Variants in FAT3 observed in about 807,000 individuals in gnomAD.
FAT3 encodes FAT atypical cadherin 3.
A neutral mutation model predicts 310.2 loss-of-function variants in FAT3; 95 were observed. The observed-to-expected ratio is 0.31, with a 90% CI of 0.26 to 0.36. The LOEUF (loss-of-function observed/expected upper bound fraction) is 0.36, where lower values mean the gene tolerates loss of function less well. FAT3 is among the 10% of genes least tolerant of loss of function. FAT3 has a pLI of 1.00. For synonymous variants in FAT3, 2,314 were observed against 2,192.9 expected (o/e 1.06, Z -1.54); for missense variants, 5,408 against 5,715.6 (o/e 0.95, Z 1.74).
intron 1 of FAT3, among the ~76,000 whole-genome samples, chr11:92,297,577 T>C (rs1400011568): frequency 6.6e-6 from 1 of 152,128 alleles, no homozygotes; most frequent in Non-Finnish European, 1.5e-5. Flanking sequence ...CTTAATCCAT[T>C]CTCCAGACAA....
intron 1 of FAT3, among the ~76,000 whole-genome samples, chr11:92,246,701 T>C (rs1864926228): frequency 6.6e-6 from 1 of 152,054 alleles, no homozygotes; most frequent in African/African-American, 2.4e-5. Context: ...GTATGCCAAA[T>C]GTAAGTACAA....
At chr11:92,225,287 G>T (rs560085515) in intron 1 of FAT3, among the ~76,000 whole-genome samples, 113 bp downstream of exon 1, 114 of 152,316 alleles carry the variant, frequency 7.5e-4, no homozygotes, top group Non-Finnish European at 1.0e-3. Flanking sequence ...GGTGGGCTGG[G>T]GAGGCGAGAG....
Position 92,412,740 on chromosome 11 carries a change from T to C in FAT3, c.3292+57336T>C, listed in dbSNP as rs796395055. Among the ~76,000 whole-genome samples the C allele has an allele frequency of 3.7e-4, 28 of 76,276 alleles. 2 individuals are homozygous for C. Among genetic ancestry groups the C allele is most frequent in the African/African-American group, 4.7e-4 (5 of 10,658 alleles). The allele number at this position is 76,276 out of a possible 152,430, so 50.0% of individuals were successfully genotyped here. On this transcript the variant is annotated intron_variant, in intron 2 of 27. Transcript: ENST00000525166. The stretch of plus-strand genomic sequence containing the variant: ...ATATATATATATATATATATATATA[T>C]ATATAAATATACATACATATATATA...
At chr11:92,326,173 C>G (rs1947758657) in intron 1 of FAT3, among the ~76,000 whole-genome samples, 3 of 152,274 alleles carry the variant, frequency 2.0e-5, no homozygotes, top group South Asian at 4.1e-4. Flanking sequence ...TTCAGTTTAC[C>G]TATCTGCTGA....
chr11:92,840,646 T>C lies in FAT3; in HGVS notation c.10453T>C (p.Ser3485Pro). 1.2e-6 allele frequency: 2 copies of C among 1,613,148 alleles called. No individual in the cohort carries two copies. The highest frequency in any genetic ancestry group is 1.7e-6 in the Non-Finnish European group (2 of 1,179,164). Residue 3485 changes from serine to proline, a missense_variant, in exon 18 of 28, where the codon TCT becomes CCT. This residue lies in a region of FAT3 where 4,588 missense variants were observed against 4,809.8 expected (regional missense o/e 0.95). Coordinates refer to ENST00000525166, the MANE Select transcript of FAT3 (RefSeq NM_001367949.2). ...TCACAATGGGCCTCCCTTTTCATTCTCTATTTTGTCGGGAAATGAAGAGGA... is the reference window on the plus strand; with the variant it reads ...TCACAATGGGCCTCCCTTTTCATTCCCTATTTTGTCGGGAAATGAAGAGGA... ...SFHNGPPFSFSILSGNEEEEF... is the reference protein window; with the variant it reads ...SFHNGPPFSFPILSGNEEEEF...
At chr11:92,407,850 T>G (rs1351011346) in intron 2 of FAT3, among the ~76,000 whole-genome samples, 1 of 152,126 alleles carries the variant, frequency 6.6e-6, no homozygotes. Context: ...ATACATTTCA[T>G]TCATATGGAT....
chr11:92,488,587 A>G lies in FAT3; in HGVS notation c.3293-36047A>G, dbSNP rs1952505404. 2.6e-5 allele frequency among the ~76,000 whole-genome samples: 4 copies of G among 151,620 alleles called. No homozygotes were observed. The South Asian group carries it at 8.4e-4, about 32-fold the overall frequency. On this transcript the variant is annotated intron_variant, in intron 2 of 27. Transcript: ENST00000525166. ...CCGCACTTTAAGAATCAGTTCCTAG[A>G]TGTAGAGAATCCCATTATATCCTAC...
rs1361850327 is a variant in FAT3, at chr11:92,840,674, A to G, written c.10481A>G (p.Glu3494Gly). 1 of 1,612,758 alleles carries G rather than the reference A, an allele frequency of 6.2e-7. No homozygotes were observed. Among genetic ancestry groups the G allele is most frequent in the Non-Finnish European group, 8.5e-7 (1 of 1,179,144 alleles). The change falls in exon 18 of 28, where the codon GAG becomes GGG. Residue 3494 changes from glutamate to glycine, a missense_variant. Glu to Gly is a moderately conservative substitution (Grantham distance 98). Around this residue, in one of 5 missense-constraint regions of FAT3, gnomAD observed 4,588 missense variants for 4,809.8 expected, o/e 0.95. Coordinates refer to ENST00000525166, the MANE Select transcript of FAT3 (RefSeq NM_001367949.2). ...ATTTTGTCGGGAAATGAAGAGGAGG[A>G]GTTTGTGTTGGACCCTCATGGGATC... ...FSILSGNEEEEFVLDPHGILR... is the reference protein window; with the variant it reads ...FSILSGNEEEGFVLDPHGILR...
chr11:92,276,167 A>C (rs939335140), intron 1 of FAT3, among the ~76,000 whole-genome samples: 2 of 152,170 alleles, frequency 1.3e-5, no homozygotes, highest in African/African-American at 4.8e-5. Flanking sequence ...TTACAAAACA[A>C]TGGCTAATAC....
chr11:92,450,260 A>G (rs1223162007), intron 2 of FAT3, among the ~76,000 whole-genome samples: 2 of 152,110 alleles, frequency 1.3e-5, no homozygotes, highest in Non-Finnish European at 2.9e-5. Context: ...AAAATTAACA[A>G]TTTTGCATTT....
At chr11:92,695,824 G>A (rs1943920467) in intron 3 of FAT3, among the ~76,000 whole-genome samples, 2 of 152,136 alleles carry the variant, frequency 1.3e-5, no homozygotes, top group African/African-American at 4.8e-5. Flanking sequence ...ATAATGGAGA[G>A]CACTGGTTAT....
chr11:92,226,007 G>A (rs974309356), intron 1 of FAT3, among the ~76,000 whole-genome samples: 6 of 152,192 alleles, frequency 3.9e-5, no homozygotes, highest in African/African-American at 1.4e-4. Flanking sequence ...CCGGATTGGG[G>A]GCGAGAACGC....
intron 2 of FAT3, among the ~76,000 whole-genome samples, chr11:92,371,652 G>A (rs1366606570): frequency 6.6e-6 from 1 of 152,316 alleles, no homozygotes; most frequent in Admixed American, 6.5e-5. Context: ...TGGAGGTGGA[G>A]GTTGCAGTAA....
chr11:92,878,009 G>A (rs888096578), intron 22 of FAT3, among the ~76,000 whole-genome samples: 2 of 152,184 alleles, frequency 1.3e-5, no homozygotes, highest in Admixed American at 6.6e-5. Context: ...AAAATCATAA[G>A]TTGAACAATC....
At chr11:92,633,476 G>A (rs1461374329) in intron 3 of FAT3, among the ~76,000 whole-genome samples, 1 of 152,186 alleles carries the variant, frequency 6.6e-6, no homozygotes, top group Non-Finnish European at 1.5e-5. Flanking sequence ...ATGTCAATAA[G>A]TGGGGGTCAG....
intron 4 of FAT3, among the ~76,000 whole-genome samples, chr11:92,722,862 T>A (rs1037426369): frequency 6.6e-6 from 1 of 152,128 alleles, no homozygotes; most frequent in East Asian, 1.9e-4. Context: ...GTGGCTAGGA[T>A]GCAAGACACC....
intron 2 of FAT3, among the ~76,000 whole-genome samples, chr11:92,506,729 T>G (rs1259904526): frequency 3.3e-5 from 5 of 152,180 alleles, no homozygotes; most frequent in Non-Finnish European, 5.9e-5. Flanking sequence ...AAAATTATCA[T>G]GATTTTTCTT....
intron 3 of FAT3, among the ~76,000 whole-genome samples, chr11:92,617,227 T>G (rs553629022): frequency 6.6e-6 from 1 of 152,354 alleles, no homozygotes; most frequent in South Asian, 2.1e-4. Flanking sequence ...TTCATTCATT[T>G]GATCTTCCAT....
At chr11:92,303,341 T>A (rs2134431399) in intron 1 of FAT3, among the ~76,000 whole-genome samples, 1 of 152,228 alleles carries the variant, frequency 6.6e-6, no homozygotes, top group African/African-American at 2.4e-5. Context: ...TTGCACATGA[T>A]AAGCATTATT....
Sources: gnomAD v4.1 joint callset for allele counts (sites outside exome capture counted in the v4.1 genomes callset) on GRCh38, gnomAD v4.1.1 for gene constraint, gnomAD v4.1.1 regional missense constraint, MANE v1.5 for transcripts, NCBI Gene and HGNC (gene_info 2026-07-23, HGNC 2026-07-21) for gene names.